Variants in OSBP2 observed in about 807,000 individuals in gnomAD.
OSBP2 encodes the protein oxysterol-binding protein 2.
A neutral mutation model predicts 96.0 loss-of-function variants in OSBP2; 66 were observed. The observed-to-expected ratio is 0.69, with a 90% CI of 0.56 to 0.84. The LOEUF is 0.84. Ranked by LOEUF, OSBP2 falls within the 40% of genes least tolerant of loss-of-function variation. The probability of loss-of-function intolerance (pLI) is 0.00; values close to 1 mark genes in which losing one functional copy is unlikely to be tolerated. For synonymous variants in OSBP2, 525 were observed against 520.9 expected (o/e 1.01, Z -0.11); for missense variants, 1,038 against 1,222.7 (o/e 0.85, Z 2.25).
At chr22:30,883,726 T>G (rs952401705) in intron 3 of OSBP2, among the ~76,000 whole-genome samples, 1 of 152,116 alleles carries the variant, frequency 6.6e-6, no homozygotes, top group African/African-American at 2.4e-5. Flanking sequence ...TCTACCCAAC[T>G]CATGGGGCTT....
At chr22:30,850,442 A>C (rs747171736) in intron 2 of OSBP2, among the ~76,000 whole-genome samples, 5 of 152,156 alleles carry the variant, frequency 3.3e-5, no homozygotes, top group South Asian at 2.1e-4. Context: ...AAATCATGTT[A>C]GTAGGTAATT....
At chr22:30,834,063 T>A (rs2038584053) in intron 2 of OSBP2, among the ~76,000 whole-genome samples, 1 of 152,146 alleles carries the variant, frequency 6.6e-6, no homozygotes, top group African/African-American at 2.4e-5. Context: ...TCCATTTTTT[T>A]TTTTGACATA....
chr22:30,776,435 A>G (rs1192789355), intron 2 of OSBP2, among the ~76,000 whole-genome samples: 2 of 151,974 alleles, frequency 1.3e-5, no homozygotes, highest in East Asian at 3.9e-4. Flanking sequence ...AATAAATATC[A>G]CTGTTAATGG....
chr22:30,821,349 C>T (rs1248564663), intron 2 of OSBP2, among the ~76,000 whole-genome samples: 1 of 152,154 alleles, frequency 6.6e-6, no homozygotes, highest in Non-Finnish European at 1.5e-5. Flanking sequence ...TAAGAGTCCA[C>T]AGGCAAGACG....
Position 30,725,198 on chromosome 22 carries a change from A to AAC in OSBP2, c.645-15962_645-15961insCA, listed in dbSNP as rs1369266628. Among the ~76,000 whole-genome samples the AAC allele has an allele frequency of 2.7e-4, 7 of 25,624 alleles. No individual in the cohort carries two copies. The East Asian group carries it at 5.8e-3, about 21-fold the overall frequency. The allele number at this position is 25,624 out of a possible 152,430, so 16.8% of individuals were successfully genotyped here. On this transcript the variant is annotated intron_variant, in intron 1 of 13. Coordinates refer to ENST00000332585, the MANE Select transcript of OSBP2 (RefSeq NM_030758.4). ...CTCAAAAACAAAAAAACAAAAAAAC[A>AAC]AAAAAAAAACAAAAACAAATTATAG...
At chr22:30,810,973 T>C (rs1477855387) in intron 2 of OSBP2, among the ~76,000 whole-genome samples, 1 of 152,222 alleles carries the variant, frequency 6.6e-6, no homozygotes, top group Non-Finnish European at 1.5e-5. Flanking sequence ...TGTTGAGACA[T>C]TAATTTTAGT....
At chr22:30,812,416 C>T (rs1286322629) in intron 2 of OSBP2, among the ~76,000 whole-genome samples, 3 of 152,184 alleles carry the variant, frequency 2.0e-5, no homozygotes, top group South Asian at 4.1e-4. Context: ...TCTGCCTGCA[C>T]CTGCCTCTCA....
rs149656984 is a variant in OSBP2 at position 30,854,115 on chromosome 22, C to T, written c.854-16314C>T. ...GTTTACAGTACGCATTTTTAACTTACGGCAGTCTCCTTCCAAATAATTCAC... is the reference window on the plus strand; with the variant it reads ...GTTTACAGTACGCATTTTTAACTTATGGCAGTCTCCTTCCAAATAATTCAC... On this transcript the variant is annotated intron_variant, in intron 2 of 13. Coordinates refer to ENST00000332585, the MANE Select transcript of OSBP2 (RefSeq NM_030758.4). 7.2e-5 allele frequency among the ~76,000 whole-genome samples: 11 copies of T among 152,080 alleles called. 1 individual carries two copies. In the East Asian group the frequency reaches 1.7e-3, roughly 24 times the overall value.
intron 2 of OSBP2, among the ~76,000 whole-genome samples, chr22:30,807,475 C>T (rs560684692): frequency 5.3e-5 from 8 of 152,268 alleles, no homozygotes; most frequent in African/African-American, 1.9e-4. Flanking sequence ...ATTCTGCTCT[C>T]GGCACTGCTT....
intron 3 of OSBP2, among the ~76,000 whole-genome samples, chr22:30,876,396 T>C (rs1602399956): frequency 6.6e-6 from 1 of 152,330 alleles, no homozygotes; most frequent in South Asian, 2.1e-4. Context: ...ACTGTGTGGG[T>C]GGTGGCCTCA....
At position 30,881,654 on chromosome 22, in the gene OSBP2, T is replaced by C; in HGVS notation, c.1108-5772T>C. The stretch of plus-strand genomic sequence containing the variant: ...CGGGCCCCAAGCCTAATCCAGCTTA[T>C]CAAGCACACAGCACACAGCCCAGCT... On this transcript the variant is annotated intron_variant, in intron 3 of 13. Transcript: ENST00000332585. The surrounding 1 kb of genome is among the most constrained non-coding windows in gnomAD (Gnocchi z 4.5). The C allele has an allele frequency of 7.7e-7, 1 of 1,303,150 alleles. No individual in the cohort carries two copies. Among genetic ancestry groups the C allele is most frequent in the South Asian group, 1.2e-5 (1 of 81,008 alleles). The allele number at this position is 1,303,150 out of a possible 1,614,324, so 80.7% of individuals were successfully genotyped here. A position where few individuals can be genotyped will look rare whatever the true frequency, so the allele number is the denominator to read the frequency against.
At chr22:30,693,896 C>A, upstream of OSBP2, 1 of 608,532 alleles carries the variant, frequency 1.6e-6, no homozygotes, top group Non-Finnish European at 2.8e-6. Flanking sequence ...ACCTGGGAAG[C>A]GGAGGCTGCA....
intron 2 of OSBP2, among the ~76,000 whole-genome samples, chr22:30,773,402 C>G (rs1166885695): frequency 3.3e-5 from 5 of 152,164 alleles, no homozygotes; most frequent in Admixed American, 3.3e-4. Flanking sequence ...CAGCTTCCCA[C>G]GTAGTGGAAA....
intron 2 of OSBP2, among the ~76,000 whole-genome samples, chr22:30,762,917 T>A (rs2090224048): frequency 6.6e-6 from 1 of 152,178 alleles, no homozygotes; most frequent in African/African-American, 2.4e-5. Flanking sequence ...CCTAGAAGCT[T>A]CAATTCTGTG....
At chr22:30,693,972 AAAAAAAAAAAAAGCGG>A (rs1366687623), upstream of OSBP2, 7 of 761,804 alleles carry the variant, frequency 9.2e-6, no homozygotes, top group Non-Finnish European at 1.2e-5. Flanking sequence ...CTCAAAAAGG[AAAAAAAAAAAAAGCGG>A]AAAAAAAAAT....
At chr22:30,800,650 C>G (rs904928324) in intron 2 of OSBP2, among the ~76,000 whole-genome samples, 1 of 151,994 alleles carries the variant, frequency 6.6e-6, no homozygotes, top group African/African-American at 2.4e-5. Flanking sequence ...AGAGTAGGGC[C>G]GGAGCCGTGG....
upstream of OSBP2, chr22:30,694,313 T>G: frequency 6.5e-7 from 1 of 1,548,814 alleles, no homozygotes; most frequent in South Asian, 1.2e-5. Flanking sequence ...GGGCCACCGC[T>G]TCTGGCGGCC....
intron 2 of OSBP2, among the ~76,000 whole-genome samples, chr22:30,779,204 C>A (rs950874724): frequency 1.3e-5 from 2 of 150,944 alleles, no homozygotes; most frequent in African/African-American, 4.9e-5. Context: ...GCCTCAGCCT[C>A]CCGAGTAGCT....
chr22:30,694,791 GAGGAACCC>G, upstream of OSBP2: 2 of 588,880 alleles, frequency 3.4e-6, no homozygotes, highest in Non-Finnish European at 4.3e-6. Flanking sequence ...CGGGACCGCG[GAGGAACCC>G]GCGCGCGCCC....
Sources: gnomAD v4.1 joint callset for allele counts (sites outside exome capture counted in the v4.1 genomes callset) on GRCh38, gnomAD v4.1.1 for gene constraint, Gnocchi (gnomAD v3.1) non-coding constraint, MANE v1.5 for transcripts, NCBI Gene and HGNC (gene_info 2026-07-23, HGNC 2026-07-21) for gene names.